LPAR3: variants seen among roughly 807,000 people sequenced by gnomAD.
LPAR3 encodes LPA receptor 3.
A neutral mutation model predicts 17.8 loss-of-function variants in LPAR3; 7 were observed. The observed-to-expected ratio is 0.39, with a 90% confidence interval of 0.22 to 0.74. LPAR3 has a LOEUF of 0.74. Ranked by LOEUF, LPAR3 falls within the 30% of genes least tolerant of loss-of-function variation. The pLI is 0.40. For missense variants in LPAR3, 391 were observed against 453.4 expected, an observed-to-expected ratio of 0.86 and a Z score of 1.25; for synonymous variants, 179 against 179.9, an observed-to-expected ratio of 0.99 and a Z score of 0.04.
chr1:84,817,090 T>G (rs960452341), intron 2 of LPAR3, among the ~76,000 whole-genome samples: 1 of 152,220 alleles, frequency 6.6e-6, no homozygotes, highest in African/African-American at 2.4e-5. Context: ...AGAATTTTTT[T>G]TTTAAAGTAA....
intron 1 of LPAR3, among the ~76,000 whole-genome samples, chr1:84,876,507 A>G (rs939057631): frequency 7.2e-5 from 11 of 152,116 alleles, no homozygotes; most frequent in African/African-American, 2.4e-4. Flanking sequence ...GCATCCCTCT[A>G]TATAAAGGTA....
intron 2 of LPAR3, among the ~76,000 whole-genome samples, chr1:84,822,336 A>G (rs1659074482): frequency 6.6e-6 from 1 of 152,214 alleles, no homozygotes; most frequent in Non-Finnish European, 1.5e-5. Context: ...AAAAATCAAT[A>G]ACGTGAGTTC....
At chr1:84,851,935 A>G (rs1461319256) in intron 2 of LPAR3, among the ~76,000 whole-genome samples, 4 of 152,222 alleles carry the variant, frequency 2.6e-5, no homozygotes, top group Non-Finnish European at 5.9e-5. Context: ...GCCTGGAGCA[A>G]GAAAATGCTG....
chr1:84,833,736 GA>G (rs1309175805), intron 2 of LPAR3, among the ~76,000 whole-genome samples: 1 of 152,144 alleles, frequency 6.6e-6, no homozygotes, highest in East Asian at 1.9e-4. Flanking sequence ...GTCACACGGG[GA>G]TAATAAGAAC....
Position 84,826,241 on chromosome 1 carries a change from T to TA in LPAR3, c.737-12071dup, listed in dbSNP as rs1659154507. Among the ~76,000 whole-genome samples the TA allele has an allele frequency of 3.9e-5, 6 of 151,954 alleles. No homozygotes were observed. In the South Asian group the frequency reaches 1.2e-3, roughly 31 times the overall value. On this transcript the variant is annotated intron_variant, in intron 2 of 2. Coordinates refer to ENST00000370611, the MANE Select transcript of LPAR3 (RefSeq NM_012152.3). Reference sequence around the variant, plus strand: ...AAAGAATAAATCTGATTTTTACAGATAGTCTGAAGAATTTCACTCATTTCA... The same window carrying TA: ...AAAGAATAAATCTGATTTTTACAGATAAGTCTGAAGAATTTCACTCATTTCA...
At position 84,853,834 on chromosome 1, in the gene LPAR3, G is replaced by A. The variant is rs538070943; in HGVS notation, c.736+11551C>T. On this transcript the variant is annotated intron_variant, in intron 2 of 2. Coordinates refer to ENST00000370611, the MANE Select transcript of LPAR3 (RefSeq NM_012152.3). Reference sequence around the variant, plus strand: ...TTCTCAACACTCAAGATCCTACATGGGCTCTTTCTTGCCAGATGAGGCAGT... The same window carrying A: ...TTCTCAACACTCAAGATCCTACATGAGCTCTTTCTTGCCAGATGAGGCAGT... Among the ~76,000 whole-genome samples, 4 of 152,244 alleles carry A rather than the reference G, an allele frequency of 2.6e-5. No individual in the cohort carries two copies. The South Asian group carries it at 8.3e-4, about 32-fold the overall frequency.
At chr1:84,868,215 T>C (rs1267009865) in intron 1 of LPAR3, among the ~76,000 whole-genome samples, 1 of 152,202 alleles carries the variant, frequency 6.6e-6, no homozygotes, top group African/African-American at 2.4e-5. Context: ...GTTCAAGTGA[T>C]TCTCCTGTCT....
intron 2 of LPAR3, among the ~76,000 whole-genome samples, chr1:84,817,523 C>T (rs917302544): frequency 6.6e-6 from 1 of 152,144 alleles, no homozygotes; most frequent in Non-Finnish European, 1.5e-5. Context: ...GTGGAGGAGG[C>T]TTGGAACAGC....
intron 2 of LPAR3, among the ~76,000 whole-genome samples, chr1:84,814,593 A>G (rs1658896756): frequency 2.0e-5 from 3 of 152,234 alleles, no homozygotes; most frequent in Admixed American, 2.0e-4. Context: ...CTCTGACTCC[A>G]GGGCTCCCAT....
At chr1:84,836,691 C>T (rs1247144144) in intron 2 of LPAR3, among the ~76,000 whole-genome samples, 5 of 152,236 alleles carry the variant, frequency 3.3e-5, no homozygotes, top group South Asian at 4.2e-4. Context: ...TTCAGGAAGA[C>T]CAAAACAAAA....
chr1:84,820,928 A>AT (rs1243145798), intron 2 of LPAR3, among the ~76,000 whole-genome samples: 3 of 152,160 alleles, frequency 2.0e-5, no homozygotes, highest in East Asian at 1.9e-4. Context: ...GCAACCAGCG[A>AT]TTTTTTAAAA....
chr1:84,831,313 C>T (rs889859297), intron 2 of LPAR3, among the ~76,000 whole-genome samples: 1 of 152,040 alleles, frequency 6.6e-6, no homozygotes, highest in African/African-American at 2.4e-5. Context: ...ATAAGCTGGC[C>T]TGGTGCAGTG....
intron 2 of LPAR3, among the ~76,000 whole-genome samples, chr1:84,851,733 G>A (rs929742268): frequency 1.3e-5 from 2 of 152,200 alleles, no homozygotes; most frequent in African/African-American, 4.8e-5. Flanking sequence ...GCAGGACAGT[G>A]AGAAGCTTGG....
intron 2 of LPAR3, among the ~76,000 whole-genome samples, chr1:84,817,562 T>C (rs1290176164): frequency 1.3e-5 from 2 of 152,170 alleles, no homozygotes; most frequent in East Asian, 1.9e-4. Flanking sequence ...CCGGGGAGCA[T>C]CTGCTTAAGG....
intron 2 of LPAR3, among the ~76,000 whole-genome samples, chr1:84,817,446 G>T (rs961541357): frequency 7.2e-5 from 11 of 152,234 alleles, no homozygotes; most frequent in African/African-American, 2.6e-4. Flanking sequence ...CCCCCTCAAA[G>T]TATGAACTGT....
chr1:84,853,466 G>T (rs1425645042), intron 2 of LPAR3, among the ~76,000 whole-genome samples: 3 of 152,196 alleles, frequency 2.0e-5, no homozygotes, highest in African/African-American at 7.2e-5. Flanking sequence ...TTGATTAAGT[G>T]TTGCTCTTGC....
chr1:84,890,127 C>T (rs921894943), intron 1 of LPAR3, among the ~76,000 whole-genome samples: 17 of 152,092 alleles, frequency 1.1e-4, no homozygotes, highest in African/African-American at 4.1e-4. Flanking sequence ...GACTGAGTTC[C>T]AGGTGACTCC....
intron 2 of LPAR3, among the ~76,000 whole-genome samples, chr1:84,831,844 A>G (rs1433273922): frequency 6.7e-6 from 1 of 149,504 alleles, no homozygotes; most frequent in Non-Finnish European, 1.5e-5. Flanking sequence ...ATATATATAT[A>G]TAATATACAT....
chr1:84,860,734 A>ATTT (rs35354113), intron 2 of LPAR3, among the ~76,000 whole-genome samples: 9 of 113,536 alleles, frequency 7.9e-5, no homozygotes, highest in Non-Finnish European at 1.6e-4. Context: ...TTAGGATTTA[A>ATTT]TTTTTTTTTT....
Sources: gnomAD v4.1 joint callset for allele counts (sites outside exome capture counted in the v4.1 genomes callset) on GRCh38, gnomAD v4.1.1 for gene constraint, MANE v1.5 for transcripts, NCBI Gene and HGNC (gene_info 2026-07-23, HGNC 2026-07-21) for gene names.